PPP1R9A: variants seen among roughly 807,000 people sequenced by gnomAD.
PPP1R9A encodes protein phosphatase 1 regulatory subunit 9A, also known as neurabin-1.
PPP1R9A carries 59 observed loss-of-function variants against 141.9 expected under a neutral mutation model. The observed-to-expected ratio is 0.42, with a 90% CI of 0.34 to 0.52. The LOEUF is 0.52. Ranked by LOEUF, PPP1R9A falls within the 20% of genes least tolerant of loss-of-function variation. The probability of loss-of-function intolerance (pLI) is 0.10; values close to 1 mark genes in which losing one functional copy is unlikely to be tolerated. For missense variants in PPP1R9A, 1,444 were observed against 1,611.9 expected (o/e 0.90, Z 1.78); for synonymous variants, 500 against 569.7 (o/e 0.88, Z 1.74).
At chr7:95,120,646 C>T (rs1000960882) in intron 3 of PPP1R9A, 66 bp from the exon 4 acceptor site, 1 of 1,528,186 alleles carries the variant, frequency 6.5e-7, no homozygotes, top group African/African-American at 1.4e-5. Flanking sequence ...TAGGTCTCAC[C>T]AGCTAATTGC....
At chr7:95,159,243 A>G (rs1010041720) in intron 4 of PPP1R9A, among the ~76,000 whole-genome samples, 3 of 152,248 alleles carry the variant, frequency 2.0e-5, no homozygotes, top group Non-Finnish European at 4.4e-5. Flanking sequence ...TATAATAGTC[A>G]TGGTTAAATC....
At chr7:95,054,621 C>G (rs999663754) in intron 2 of PPP1R9A, among the ~76,000 whole-genome samples, 2 of 152,024 alleles carry the variant, frequency 1.3e-5, no homozygotes, top group Non-Finnish European at 2.9e-5. Flanking sequence ...AGGCCCTATG[C>G]GTCCTGGCTC....
rs116034014 is a variant in PPP1R9A at position 94,988,990 on chromosome 7, G to A, written c.1395+77482G>A. 7.2e-3 allele frequency among the ~76,000 whole-genome samples: 1,096 copies of A among 152,002 alleles called. 10 individuals are homozygous for A. The highest frequency in any genetic ancestry group is 0.025 in the African/African-American group (1,049 of 41,496). On this transcript the variant is annotated intron_variant, in intron 2 of 19. Coordinates refer to ENST00000433360, the MANE Select transcript of PPP1R9A (RefSeq NM_001166160.2). ...TTTACAACAGAAAACAATCAAAATA[G>A]TTAACTCTAAAACAATGGTTATCAC...
At chr7:94,989,956 G>A (rs565642827) in intron 2 of PPP1R9A, among the ~76,000 whole-genome samples, 59 of 152,084 alleles carry the variant, frequency 3.9e-4, no homozygotes, top group African/African-American at 5.8e-4. Flanking sequence ...TTTGTTGATC[G>A]AGTATAAAAT....
intron 4 of PPP1R9A, among the ~76,000 whole-genome samples, chr7:95,126,549 C>T (rs550965200): frequency 7.9e-5 from 12 of 152,158 alleles, no homozygotes; most frequent in South Asian, 2.1e-4. Flanking sequence ...CCATTCCAGT[C>T]GACAGTATTT....
At chr7:95,247,029 C>T (rs1798214769) in intron 8 of PPP1R9A, among the ~76,000 whole-genome samples, 1 of 152,200 alleles carries the variant, frequency 6.6e-6, no homozygotes, top group South Asian at 2.1e-4. Flanking sequence ...GTGCTTGCAA[C>T]TCACAGGACC....
At chr7:95,264,088 A>T (rs1800874741) in intron 12 of PPP1R9A, among the ~76,000 whole-genome samples, 1 of 152,188 alleles carries the variant, frequency 6.6e-6, no homozygotes, top group African/African-American at 2.4e-5. Context: ...TCTCATGGTA[A>T]CTGTTTTACA....
chr7:94,969,434 G>T (rs960812952), intron 2 of PPP1R9A, among the ~76,000 whole-genome samples: 1 of 152,098 alleles, frequency 6.6e-6, no homozygotes, highest in Non-Finnish European at 1.5e-5. Context: ...TTTGCTGCAG[G>T]TCTACCCCAG....
At chr7:95,049,998 C>T (rs1336957090) in intron 2 of PPP1R9A, among the ~76,000 whole-genome samples, 2 of 152,138 alleles carry the variant, frequency 1.3e-5, no homozygotes, top group Non-Finnish European at 2.9e-5. Context: ...CATAATTTTT[C>T]AGTTCATCTG....
At chr7:95,283,175 A>G (rs753942444) in intron 16 of PPP1R9A, among the ~76,000 whole-genome samples, 12 of 152,232 alleles carry the variant, frequency 7.9e-5, no homozygotes, top group Admixed American at 1.3e-4. Context: ...TCTCTTAACC[A>G]AAAGATAATT....
chr7:95,002,027 T>A (rs1180343828), intron 2 of PPP1R9A, among the ~76,000 whole-genome samples: 1 of 152,208 alleles, frequency 6.6e-6, no homozygotes, highest in African/African-American at 2.4e-5. Context: ...GTGCTCTCTC[T>A]GCAGCAATTA....
At chr7:95,108,311 T>TC (rs1819911564) in intron 2 of PPP1R9A, among the ~76,000 whole-genome samples, 4 of 118,734 alleles carry the variant, frequency 3.4e-5, no homozygotes, top group Non-Finnish European at 7.1e-5. Context: ...TCTTTTCTTT[T>TC]TTTTTTTTTT....
At chr7:94,944,001 T>G (rs1052291194) in intron 2 of PPP1R9A, among the ~76,000 whole-genome samples, 4 of 152,178 alleles carry the variant, frequency 2.6e-5, no homozygotes, top group Non-Finnish European at 5.9e-5. Context: ...CCTACCAAAC[T>G]TCCAAGTCCA....
chr7:95,046,086 T>C (rs1215970985), intron 2 of PPP1R9A, among the ~76,000 whole-genome samples: 21 of 150,754 alleles, frequency 1.4e-4, no homozygotes, highest in Admixed American at 1.3e-3. Flanking sequence ...TTTTCTTTTT[T>C]TTTTTTTTTT....
At chr7:94,975,410 G>GT (rs1237760380) in intron 2 of PPP1R9A, among the ~76,000 whole-genome samples, 1 of 139,290 alleles carries the variant, frequency 7.2e-6, no homozygotes, top group East Asian at 2.2e-4. Flanking sequence ...GAAGCTAGAG[G>GT]TCTTTGAAAC....
chr7:94,908,017 G>A (rs1335464714), intron 1 of PPP1R9A: 1 of 149,610 alleles, frequency 6.7e-6, no homozygotes, highest in Non-Finnish European at 1.5e-5. Flanking sequence ...GCGGGTTGCG[G>A]TGTACCCAGC....
At chr7:95,086,665 G>T (rs1037500089) in intron 2 of PPP1R9A, among the ~76,000 whole-genome samples, 1 of 151,950 alleles carries the variant, frequency 6.6e-6, no homozygotes, top group South Asian at 2.1e-4. Flanking sequence ...ACTAGGCCAA[G>T]CACTCTTTTG....
chr7:95,115,878 C>CT (rs1212518612), intron 3 of PPP1R9A, among the ~76,000 whole-genome samples: 3 of 148,228 alleles, frequency 2.0e-5, no homozygotes, highest in African/African-American at 7.5e-5. Flanking sequence ...GACCACACCA[C>CT]TGCACTCCAG....
Position 95,251,791 on chromosome 7 carries a change from CAGAA to C in PPP1R9A, c.2436_2439del (p.Lys813Ter), listed in dbSNP as rs1798905862. On this transcript the variant is annotated frameshift_variant, in exon 11 of 20. Transcript: ENST00000433360. LOFTEE classifies it high-confidence loss of function. ...CTTGATTTCATCAAAAGACAGGAAG[CAGAA>C]AGAAAGAAAATAGAAGATTTGGAAA... is the stretch of plus-strand genomic sequence containing the variant. The C allele has an allele frequency of 6.2e-7, 1 of 1,613,538 alleles. No homozygotes were observed. The highest frequency in any genetic ancestry group is 8.5e-7 in the Non-Finnish European group (1 of 1,179,792).
Sources: allele counts gnomAD v4.1 joint callset (sites outside exome capture counted in the v4.1 genomes callset), GRCh38; gene constraint gnomAD v4.1.1; transcripts MANE v1.5; gene names NCBI Gene and HGNC (gene_info 2026-07-23, HGNC 2026-07-21).